Variants in CPNE4 observed in about 807,000 individuals in gnomAD.
CPNE4 encodes copine-4.
A neutral mutation model predicts 67.9 loss-of-function variants in CPNE4; 25 were observed. The observed-to-expected ratio is 0.37, with a 90% CI of 0.27 to 0.51. The LOEUF (loss-of-function observed/expected upper bound fraction) is 0.51. Among genes scored for constraint, CPNE4 ranks in the 20% least tolerant of loss-of-function variants. The pLI is 0.93. For missense variants in CPNE4, 464 were observed against 690.8 expected, an observed-to-expected ratio of 0.67 and a Z score of 3.68; for synonymous variants, 242 against 244.9, an observed-to-expected ratio of 0.99 and a Z score of 0.11.
intron 1 of CPNE4, among the ~76,000 whole-genome samples, chr3:131,968,905 A>G (rs1035218254): frequency 6.6e-6 from 1 of 152,254 alleles, no homozygotes; most frequent in East Asian, 1.9e-4. Context: ...GAACATGCAC[A>G]CATATGTTTA....
intron 2 of CPNE4, among the ~76,000 whole-genome samples, chr3:131,777,506 T>G (rs965863018): frequency 1.3e-5 from 2 of 151,962 alleles, no homozygotes; most frequent in African/African-American, 4.8e-5. Flanking sequence ...GATGAGGTTG[T>G]CCTGCTGGAG....
chr3:131,725,707 G>T (rs2081984518), intron 2 of CPNE4, among the ~76,000 whole-genome samples: 1 of 152,128 alleles, frequency 6.6e-6, no homozygotes, highest in Non-Finnish European at 1.5e-5. Flanking sequence ...TGACTTGAAG[G>T]TACTTTATTT....
chr3:131,657,532 ATT>A (rs55842033), intron 7 of CPNE4, among the ~76,000 whole-genome samples: 35,312 of 119,694 alleles, frequency 0.3, 4,923 homozygotes, highest in African/African-American at 0.35. Context: ...AATTATCTGT[ATT>A]TTTTTTTTTT....
chr3:131,874,662 AATG>A (rs1358746848), intron 2 of CPNE4, among the ~76,000 whole-genome samples: 10 of 152,340 alleles, frequency 6.6e-5, no homozygotes, highest in African/African-American at 2.4e-4. Flanking sequence ...TTTAAAATAA[AATG>A]ATGCTACTTC....
chr3:131,725,295 G>A lies in CPNE4; in HGVS notation c.181-1670C>T, dbSNP rs182893904. 1.2e-3 allele frequency among the ~76,000 whole-genome samples: 183 copies of A among 152,284 alleles called. 7 individuals carry two copies. In the South Asian group the frequency reaches 0.033, roughly 27 times the overall value. On this transcript the variant is annotated intron_variant, in intron 2 of 15. Transcript: ENST00000429747. ...CCTTCCTATGCAGGGATGTATGTGA[G>A]AGAAAATTGTCCTTTAAGGAACACT...
chr3:131,811,992 G>A (rs1047201236), intron 2 of CPNE4, among the ~76,000 whole-genome samples: 7 of 152,110 alleles, frequency 4.6e-5, no homozygotes, highest in African/African-American at 1.4e-4. Context: ...TGATATTTAA[G>A]TATAGGAGAG....
Position 131,542,577 on chromosome 3 carries a change from G to C in CPNE4, c.1519C>G (p.Pro507Ala). 2 of 1,613,536 alleles carry C rather than the reference G, an allele frequency of 1.2e-6. No individual in the cohort carries two copies. The highest frequency in any genetic ancestry group is 1.7e-6 in the Non-Finnish European group (2 of 1,179,494). ...CATACGTGTTTGAAGTTCCTGAAGG[G>C]CACGAACTGGACGATGTCTCGAAGA... ...PVLRDIVQFV[P>A]FRNFKHASPA... The change falls in exon 15 of 16, where the codon CCC (proline) becomes GCC (alanine). Residue 507 changes from proline (P) to alanine (A), a missense_variant. Physicochemically the swap from Pro to Ala is conservative, Grantham distance 27. Around this residue, in one of 6 missense-constraint regions of CPNE4, gnomAD observed 201 missense variants for 357.7 expected, o/e 0.56. Coordinates refer to ENST00000429747, the MANE Select transcript of CPNE4 (RefSeq NM_130808.3).
At chr3:132,008,939 G>A (rs1442515332) in intron 1 of CPNE4, among the ~76,000 whole-genome samples, 1 of 152,184 alleles carries the variant, frequency 6.6e-6, no homozygotes, top group Admixed American at 6.5e-5. Context: ...AAACCAGGCT[G>A]CTGAGCAGCC....
intron 2 of CPNE4, among the ~76,000 whole-genome samples, chr3:131,848,784 A>C (rs1160849110): frequency 6.6e-6 from 1 of 151,864 alleles, no homozygotes; most frequent in Non-Finnish European, 1.5e-5. Flanking sequence ...AGCACAAACC[A>C]GGCCAAGAGC....
chr3:131,849,362 C>G (rs2086142078), intron 2 of CPNE4, among the ~76,000 whole-genome samples: 1 of 152,010 alleles, frequency 6.6e-6, no homozygotes, highest in African/African-American at 2.4e-5. Flanking sequence ...GTAAGCATGG[C>G]TGGAGAGGCC....
At chr3:131,741,882 A>G (rs1316175986) in intron 2 of CPNE4, among the ~76,000 whole-genome samples, 1 of 152,168 alleles carries the variant, frequency 6.6e-6, no homozygotes, top group Non-Finnish European at 1.5e-5. Context: ...ATTGGAGAAG[A>G]TAATTATTGG....
intron 11 of CPNE4, among the ~76,000 whole-genome samples, chr3:131,558,940 T>G (rs1478565380): frequency 6.6e-6 from 1 of 152,026 alleles, no homozygotes; most frequent in African/African-American, 2.4e-5. Context: ...GGAATGCCTG[T>G]GATGGAGAGA....
intron 7 of CPNE4, among the ~76,000 whole-genome samples, chr3:131,615,194 C>G (rs564167575): frequency 6.6e-6 from 1 of 152,220 alleles, no homozygotes; most frequent in South Asian, 2.1e-4. Flanking sequence ...GTTTCCTTTC[C>G]CTCATATTTG....
At chr3:132,037,423 T>C (rs1396695543), upstream of CPNE4, 17 of 677,536 alleles carry the variant, frequency 2.5e-5, no homozygotes, top group Non-Finnish European at 1.3e-5. Flanking sequence ...AATCAACAGC[T>C]CATCTGTACA....
At chr3:131,873,550 T>C (rs2087305842) in intron 2 of CPNE4, among the ~76,000 whole-genome samples, 1 of 152,358 alleles carries the variant, frequency 6.6e-6, no homozygotes. Context: ...TGAGACTTTA[T>C]TTAGAGAAGA....
intron 2 of CPNE4, among the ~76,000 whole-genome samples, chr3:131,837,428 C>T (rs2085600440): frequency 6.6e-6 from 1 of 152,054 alleles, no homozygotes; most frequent in Non-Finnish European, 1.5e-5. Context: ...GTGAAAAAGC[C>T]AATCCCAAAT....
intron 2 of CPNE4, among the ~76,000 whole-genome samples, chr3:131,813,477 G>A (rs1304766324): frequency 6.8e-6 from 1 of 148,108 alleles, no homozygotes; most frequent in Non-Finnish European, 1.5e-5. Flanking sequence ...TTATTTATAT[G>A]TATTTATTTA....
At chr3:131,894,399 G>T (rs1301101799) in intron 2 of CPNE4, among the ~76,000 whole-genome samples, 1 of 151,816 alleles carries the variant, frequency 6.6e-6, no homozygotes, top group African/African-American at 2.4e-5. Flanking sequence ...AAAAGCTTTT[G>T]CACAGCAAAG....
intron 2 of CPNE4, among the ~76,000 whole-genome samples, chr3:131,905,014 A>G (rs2088691970): frequency 6.6e-6 from 1 of 152,114 alleles, no homozygotes. Context: ...GATGAAGAGT[A>G]TATTGTGAGT....
Sources: allele counts gnomAD v4.1 joint callset (sites outside exome capture counted in the v4.1 genomes callset), GRCh38; gene constraint gnomAD v4.1.1; regional missense constraint gnomAD v4.1.1; transcripts MANE v1.5; gene names NCBI Gene and HGNC (gene_info 2026-07-23, HGNC 2026-07-21).